Variants in KIF1B observed in about 807,000 individuals in gnomAD.
KIF1B encodes the protein kinesin family member 1B, also known as kinesin-like protein KIF1B.
Under a neutral mutation model 241.9 loss-of-function variants are expected in KIF1B, and 76 were observed. The observed-to-expected ratio is 0.31, with a 90% CI of 0.26 to 0.38. The LOEUF (loss-of-function observed/expected upper bound fraction) is 0.38. Among genes scored for constraint, KIF1B ranks in the 10% least tolerant of loss-of-function variants. The probability of loss-of-function intolerance (pLI) is 1.00; values close to 1 mark genes in which losing one functional copy is unlikely to be tolerated. For missense variants in KIF1B, 1,622 were observed against 2,271.4 expected, an observed-to-expected ratio of 0.71 and a Z score of 5.81; for synonymous variants, 750 against 796.7, an observed-to-expected ratio of 0.94 and a Z score of 0.99.
chr1:10,297,303 T>G, intron 22 of KIF1B, 57 bp downstream of exon 22: 3 of 1,490,796 alleles, frequency 2.0e-6, no homozygotes, highest in South Asian at 2.3e-5. Context: ...TCCCATACTT[T>G]CCCTGTTCCA....
At chr1:10,215,913 C>A (rs1024233568) in intron 1 of KIF1B, among the ~76,000 whole-genome samples, 1 of 152,146 alleles carries the variant, frequency 6.6e-6, no homozygotes, top group South Asian at 2.1e-4. Flanking sequence ...TTTTTGACAT[C>A]ATCTTGGCAG....
At chr1:10,271,126 C>CT (rs139601123) in intron 7 of KIF1B, among the ~76,000 whole-genome samples, 2,377 of 149,836 alleles carry the variant, frequency 0.016, 63 homozygotes, top group African/African-American at 0.054. Context: ...CCTAAAGTTA[C>CT]TTTTTTTTGA....
intron 38 of KIF1B, among the ~76,000 whole-genome samples, chr1:10,355,806 CTTTCTTCTCTG>C (rs1236855452): frequency 6.6e-6 from 1 of 152,154 alleles, no homozygotes; most frequent in Non-Finnish European, 1.5e-5. Flanking sequence ...AAACTGTTCA[CTTTCTTCTCTG>C]TTTTGTCCTG....
chr1:10,239,988 G>A (rs1647112481), intron 2 of KIF1B, among the ~76,000 whole-genome samples: 2 of 151,982 alleles, frequency 1.3e-5, no homozygotes, highest in South Asian at 4.1e-4. Context: ...AGATGGTCTT[G>A]GTCTCCTGAC....
Position 10,304,053 on chromosome 1 carries a change from G to A in KIF1B, c.2115+6807G>A, listed in dbSNP as rs755023554. On this transcript the variant is annotated intron_variant, in intron 22 of 48. Coordinates refer to ENST00000676179, the MANE Select transcript of KIF1B (RefSeq NM_001365951.3). ...ATAGGTTCATCCCTCCTGAGAACCG[G>A]AAGCCCCGCTTCCCCTTTAAGAGCA... is the stretch of plus-strand genomic sequence containing the variant. 1.1e-5 allele frequency: 18 copies of A among 1,611,264 alleles called. No homozygotes were observed. The Admixed American group carries it at 1.9e-4, about 17-fold the overall frequency.
rs182912146 is a variant in KIF1B, at chr1:10,283,843, G to A, written c.1434+1310G>A. Among the ~76,000 whole-genome samples, 464 of 152,320 alleles carry A rather than the reference G, an allele frequency of 3.0e-3. 3 individuals are homozygous for A. The highest frequency in any genetic ancestry group is 0.011 in the African/African-American group (437 of 41,558). On this transcript the variant is annotated intron_variant, in intron 15 of 48. Coordinates refer to ENST00000676179, the MANE Select transcript of KIF1B (RefSeq NM_001365951.3). ...TTCACAGTCACTTGGTATTCCCCTT[G>A]ACTGCCATTCATGCAAGGACGATAG...
Position 10,337,559 on chromosome 1 carries a change from C to A in KIF1B, c.3422+26C>A, listed in dbSNP as rs1652225992. The A allele has an allele frequency of 6.2e-7, 1 of 1,613,700 alleles. No homozygotes were observed. The highest frequency in any genetic ancestry group is 1.3e-5 in the African/African-American group (1 of 74,928). ...GTAAGCTGCCCCTTTGCTCTGCCTC[C>A]CAGCTAGCTGCTAACCGAGGTGACA... is the stretch of plus-strand genomic sequence containing the variant. On this transcript the variant is annotated intron_variant, in intron 31 of 48. Transcript: ENST00000676179. The surrounding 1 kb of genome is among the most constrained non-coding windows in gnomAD (Gnocchi z 4.0).
At position 10,326,917 on chromosome 1, in the gene KIF1B, C is replaced by G. The variant is rs936926332; in HGVS notation, c.2924+558C>G. ...AAAGAATCAGGAAAGTTAAGCTTCTCCTTTACCTAAAACGGATGCCTGTCT... is the reference window on the plus strand; with the variant it reads ...AAAGAATCAGGAAAGTTAAGCTTCTGCTTTACCTAAAACGGATGCCTGTCT... On this transcript the variant is annotated intron_variant, in intron 27 of 48. Coordinates refer to ENST00000676179, the MANE Select transcript of KIF1B (RefSeq NM_001365951.3). This position sits in a 1 kb window ranked among gnomAD's most constrained non-coding sequence, Gnocchi z 5.2. 2.0e-5 allele frequency among the ~76,000 whole-genome samples: 3 copies of G among 152,200 alleles called. No individual in the cohort carries two copies. Among genetic ancestry groups the G allele is most frequent in the Admixed American group, 6.5e-5 (1 of 15,280 alleles).
chr1:10,289,320 C>T (rs961232087), intron 15 of KIF1B, among the ~76,000 whole-genome samples: 1 of 152,182 alleles, frequency 6.6e-6, no homozygotes. Context: ...CTACTGTATT[C>T]GTTCTCAGTC....
At chr1:10,273,721 A>C (rs1053871684) in intron 10 of KIF1B, among the ~76,000 whole-genome samples, 7 of 114,504 alleles carry the variant, frequency 6.1e-5, no homozygotes, top group Non-Finnish European at 1.4e-4. Context: ...AAAAAAAAAA[A>C]AAAAAAAAAA....
chr1:10,294,820 A>G (rs1650181216), intron 17 of KIF1B, among the ~76,000 whole-genome samples: 1 of 152,228 alleles, frequency 6.6e-6, no homozygotes, highest in Non-Finnish European at 1.5e-5. Context: ...GTGAGTCAAA[A>G]TCATGCCGCT....
At chr1:10,307,904 C>T in intron 22 of KIF1B, 2 of 1,050,106 alleles carry the variant, frequency 1.9e-6, no homozygotes, top group Non-Finnish European at 2.3e-6. Flanking sequence ...ATTCCTGCTT[C>T]TAATTCCTTC....
At position 10,376,594 on chromosome 1, in the gene KIF1B, C is replaced by T. The variant is rs1201198124; in HGVS notation, c.*7C>T. 21 of 1,613,760 alleles carry T rather than the reference C, an allele frequency of 1.3e-5. No homozygotes were observed. The highest frequency in any genetic ancestry group is 1.8e-5 in the Non-Finnish European group (21 of 1,179,782). On this transcript the variant is annotated 3_prime_UTR_variant, in exon 49 of 49. Coordinates refer to ENST00000676179, the MANE Select transcript of KIF1B (RefSeq NM_001365951.3). ...GAGCCAGTCGAAATACTAAGTGACT[C>T]TGCCGAGTGCCCTCACTCGCCTTCG...
chr1:10,270,662 C>T (rs1426103437), intron 7 of KIF1B, among the ~76,000 whole-genome samples: 1 of 152,078 alleles, frequency 6.6e-6, no homozygotes, highest in African/African-American at 2.4e-5. Flanking sequence ...CGGTGGCTCA[C>T]GCCTGTACTC....
At chr1:10,332,463 C>T (rs1479233628) in intron 27 of KIF1B, among the ~76,000 whole-genome samples, 2 of 149,498 alleles carry the variant, frequency 1.3e-5, no homozygotes, top group Non-Finnish European at 3.0e-5. Flanking sequence ...TGTCTGCTGA[C>T]CTCACCTTGT....
intron 17 of KIF1B, among the ~76,000 whole-genome samples, 188 bp from the exon 18 acceptor site, chr1:10,294,898 G>A (rs1231674836): frequency 6.6e-6 from 1 of 152,082 alleles, no homozygotes. Context: ...GAATGCACTT[G>A]GTTCCGTTTG....
intron 8 of KIF1B, among the ~76,000 whole-genome samples, chr1:10,271,818 A>G (rs914864999): frequency 1.2e-4 from 18 of 152,206 alleles, no homozygotes; most frequent in African/African-American, 4.1e-4. Flanking sequence ...CAATGGAAGG[A>G]TAAGTTATCT....
At chr1:10,363,215 C>A in intron 40 of KIF1B, 68 bp from the exon 41 acceptor site, 1 of 1,179,090 alleles carries the variant, frequency 8.5e-7, no homozygotes, top group Non-Finnish European at 1.3e-6. Flanking sequence ...TTTTAAGTAG[C>A]AGAAATTGAA....
intron 22 of KIF1B, among the ~76,000 whole-genome samples, chr1:10,301,683 A>T (rs1650551022): frequency 6.6e-6 from 1 of 152,128 alleles, no homozygotes. Flanking sequence ...ACAAAGAAAG[A>T]AAGTAAAGCA....
Sources: allele counts gnomAD v4.1 joint callset (sites outside exome capture counted in the v4.1 genomes callset), GRCh38; gene constraint gnomAD v4.1.1; non-coding constraint Gnocchi (gnomAD v3.1); transcripts MANE v1.5; gene names NCBI Gene and HGNC (gene_info 2026-07-23, HGNC 2026-07-21).